Variants in LAMB4 observed in about 807,000 individuals in gnomAD.
LAMB4 encodes the protein laminin subunit beta-4.
LAMB4 carries 196 observed loss-of-function variants against 199.2 expected under a neutral mutation model. The ratio of observed to expected loss-of-function variants is 0.98; its 90% confidence interval spans 0.88 to 1.11. The LOEUF (loss-of-function observed/expected upper bound fraction) is 1.11, where lower values mean the gene tolerates loss of function less well. Ranked by LOEUF, LAMB4 falls within the 50% of genes least tolerant of loss-of-function variation. LAMB4 has a pLI of 0.00. For synonymous variants in LAMB4, 744 were observed against 770.6 expected, an observed-to-expected ratio of 0.97 and a Z score of 0.57; for missense variants, 2,080 against 2,171.2, an observed-to-expected ratio of 0.96 and a Z score of 0.83.
chr7:108,127,155 T>C (rs934384386), intron 1 of LAMB4, among the ~76,000 whole-genome samples: 1 of 150,386 alleles, frequency 6.6e-6, no homozygotes, highest in Non-Finnish European at 1.5e-5. Flanking sequence ...CAAACTTTAC[T>C]GCACATTAAA....
intron 2 of LAMB4, among the ~76,000 whole-genome samples, chr7:108,119,984 C>T (rs1020003353): frequency 6.6e-6 from 1 of 152,256 alleles, no homozygotes; most frequent in Admixed American, 6.5e-5. Flanking sequence ...CCCCCATCAA[C>T]CTCTGGATGG....
intron 24 of LAMB4, 110 bp from the exon 25 acceptor site, chr7:108,056,117 C>G: frequency 1.0e-6 from 1 of 960,088 alleles, no homozygotes; most frequent in Non-Finnish European, 1.5e-6. Context: ...ACTCACACTT[C>G]TAAGATGAAT....
At chr7:108,042,970 T>TGTGC (rs1317490145) in intron 29 of LAMB4, among the ~76,000 whole-genome samples, 2 of 151,774 alleles carry the variant, frequency 1.3e-5, no homozygotes, top group Non-Finnish European at 2.9e-5. Flanking sequence ...TGTGTGTGTG[T>TGTGC]GTGTGTGTAT....
chr7:108,035,019 C>T (rs1453277634), intron 30 of LAMB4, among the ~76,000 whole-genome samples: 1 of 152,140 alleles, frequency 6.6e-6, no homozygotes, highest in African/African-American at 2.4e-5. Context: ...AGTGTGCCCA[C>T]AGTAGAGTTA....
intron 2 of LAMB4, among the ~76,000 whole-genome samples, chr7:108,116,768 C>T (rs1460176924): frequency 1.3e-5 from 2 of 152,188 alleles, no homozygotes; most frequent in Non-Finnish European, 2.9e-5. Flanking sequence ...CACACTGGCT[C>T]ATGCCTGTAC....
intron 9 of LAMB4, 140 bp downstream of exon 9, chr7:108,104,359 C>T (rs2037924063): frequency 1.1e-6 from 1 of 872,380 alleles, no homozygotes; most frequent in Non-Finnish European, 1.7e-6. Context: ...ATTGGGAACA[C>T]TGGGATATCA....
intron 27 of LAMB4, among the ~76,000 whole-genome samples, chr7:108,048,577 A>T (rs2035724681): frequency 6.6e-6 from 1 of 152,224 alleles, no homozygotes; most frequent in African/African-American, 2.4e-5. Context: ...TTCCTAGGTA[A>T]CTAAACATCT....
At chr7:108,089,705 T>A (rs746464564) in intron 14 of LAMB4, among the ~76,000 whole-genome samples, 4 of 152,212 alleles carry the variant, frequency 2.6e-5, no homozygotes. Context: ...CTCTGTTACC[T>A]AGGCTAGAGT....
chr7:108,044,078 T>C (rs1252603680), intron 28 of LAMB4, among the ~76,000 whole-genome samples, 182 bp from the exon 29 acceptor site: 10 of 152,230 alleles, frequency 6.6e-5, no homozygotes, highest in African/African-American at 2.2e-4. Context: ...TCTCTTCTCA[T>C]TATCATGTTT....
At chr7:108,098,018 T>TG (rs2037677873) in intron 11 of LAMB4, among the ~76,000 whole-genome samples, 1 of 152,080 alleles carries the variant, frequency 6.6e-6, no homozygotes, top group African/African-American at 2.4e-5. Context: ...ACCCAGAGGT[T>TG]GGCAGGATTC....
chr7:108,032,695 CGTGTGTGTGTGTGT>C (rs3050225), intron 31 of LAMB4, among the ~76,000 whole-genome samples: 2 of 144,534 alleles, frequency 1.4e-5, no homozygotes, highest in Non-Finnish European at 3.1e-5. Context: ...TGTGTGTTTG[CGTGTGTGTGTGTGT>C]GTGTGTGTGT....
intron 12 of LAMB4, among the ~76,000 whole-genome samples, chr7:108,093,423 T>C (rs1326914798): frequency 6.6e-6 from 1 of 152,214 alleles, no homozygotes; most frequent in East Asian, 1.9e-4. Context: ...CCTGGGAATT[T>C]TACCCATACA....
chr7:108,059,596 A>G (rs769157162), intron 23 of LAMB4, among the ~76,000 whole-genome samples: 1 of 152,182 alleles, frequency 6.6e-6, no homozygotes, highest in Non-Finnish European at 1.5e-5. Flanking sequence ...TCCTGGCACC[A>G]CCAGGCCAGT....
At chr7:108,041,414 G>A (rs1311638290) in intron 29 of LAMB4, among the ~76,000 whole-genome samples, 1 of 152,098 alleles carries the variant, frequency 6.6e-6, no homozygotes, top group African/African-American at 2.4e-5. Context: ...CAAAGGGTTA[G>A]ACATCATTCT....
intron 30 of LAMB4, among the ~76,000 whole-genome samples, chr7:108,035,855 C>CTT (rs555719511): frequency 9.2e-5 from 13 of 140,980 alleles, no homozygotes; most frequent in South Asian, 2.3e-4. Flanking sequence ...CTTTTATCAA[C>CTT]TTTTTTTTTT....
At chr7:108,126,618 G>A (rs1464960549) in intron 1 of LAMB4, among the ~76,000 whole-genome samples, 6 of 125,240 alleles carry the variant, frequency 4.8e-5, no homozygotes, top group Admixed American at 2.0e-4. Context: ...ACTGCGGACT[G>A]CAGTGGCGCA....
intron 23 of LAMB4, among the ~76,000 whole-genome samples, chr7:108,058,309 G>A (rs950084221): frequency 2.6e-5 from 4 of 152,252 alleles, no homozygotes; most frequent in Admixed American, 1.3e-4. Context: ...ATCAGTTAAT[G>A]TGTCAAGTAA....
At chr7:108,082,316 C>T (rs945122306) in intron 14 of LAMB4, among the ~76,000 whole-genome samples, 9 of 129,344 alleles carry the variant, frequency 7.0e-5, no homozygotes, top group Admixed American at 9.4e-5. Flanking sequence ...GGCGAAAGAG[C>T]GAGACTCCGT....
At chr7:108,114,459 A>T (rs1287828009) in intron 3 of LAMB4, among the ~76,000 whole-genome samples, 3 of 152,156 alleles carry the variant, frequency 2.0e-5, no homozygotes, top group Non-Finnish European at 4.4e-5. Flanking sequence ...TTGAGAACCA[A>T]TTCTTTGTCC....
Sources: allele counts gnomAD v4.1 joint callset (sites outside exome capture counted in the v4.1 genomes callset), GRCh38; gene constraint gnomAD v4.1.1; transcripts MANE v1.5; gene names NCBI Gene and HGNC (gene_info 2026-07-23, HGNC 2026-07-21).